The following POU6F2 variants were observed in gnomAD, a reference collection of about 807,000 sequenced individuals.
POU6F2 encodes the protein POU class 6 homeobox 2.
POU6F2 carries 31 observed loss-of-function variants against 71.3 expected under a neutral mutation model. The observed-to-expected ratio is 0.43, with a 90% confidence interval of 0.33 to 0.59. The LOEUF is 0.59. Among genes scored for constraint, POU6F2 ranks in the 20% least tolerant of loss-of-function variants. The pLI is 0.04. For missense variants in POU6F2, 783 were observed against 856.8 expected (o/e 0.91, Z 1.07); for synonymous variants, 347 against 355.7 (o/e 0.98, Z 0.27).
At chr7:39,107,973 T>A (rs1029932223) in intron 2 of POU6F2, among the ~76,000 whole-genome samples, 1 of 152,152 alleles carries the variant, frequency 6.6e-6, no homozygotes, top group Non-Finnish European at 1.5e-5. Flanking sequence ...TCCATAGAGA[T>A]CAGCCTCCCA....
chr7:39,207,541 G>A lies in POU6F2; in HGVS notation c.519G>A (p.Ala173=), dbSNP rs143731302. Residue 173 remains alanine (A), a synonymous_variant, in exon 4 of 10, where the codon GCG becomes GCA. Transcript: ENST00000518318. The part of the protein sequence containing the change: ...QQGLVLTLPT[A]NLTNIQGLVA... Reference sequence around the variant, plus strand: ...GACTGGTTCTCACACTGCCAACAGCGAATCTCACCAACATCCAAGGGCTGG... The same window carrying A: ...GACTGGTTCTCACACTGCCAACAGCAAATCTCACCAACATCCAAGGGCTGG... 5.1e-5 allele frequency: 82 copies of A among 1,614,018 alleles called. 1 individual carries two copies. The African/African-American group carries it at 6.3e-4, about 12-fold the overall frequency.
At chr7:39,199,559 C>T (rs532482127) in intron 2 of POU6F2, among the ~76,000 whole-genome samples, 4 of 151,998 alleles carry the variant, frequency 2.6e-5, no homozygotes, top group East Asian at 1.9e-4. Flanking sequence ...TTATTGGTGA[C>T]GGTTCTTCAG....
intron 1 of POU6F2, among the ~76,000 whole-genome samples, chr7:39,024,973 G>A (rs998130018): frequency 6.6e-6 from 1 of 151,874 alleles, no homozygotes; most frequent in Non-Finnish European, 1.5e-5. Flanking sequence ...TCTCTTTTTT[G>A]GTTGTGTCTC....
intron 1 of POU6F2, among the ~76,000 whole-genome samples, chr7:38,979,383 C>T (rs1191153321): frequency 1.3e-5 from 2 of 152,140 alleles, no homozygotes; most frequent in African/African-American, 4.8e-5. Flanking sequence ...AGCATGCTTG[C>T]TTCATAATGT....
In POU6F2 at chr7:39,453,203, T is replaced by C. The variant is rs1460257517; in HGVS notation, c.1489+1502T>C. ...ATACATATGCATTTTCCATCAACTG[T>C]ATTTTAGGTTGTTTAGATATACAAC... On this transcript the variant is annotated intron_variant, in intron 8 of 9. Transcript: ENST00000518318. 2.6e-5 allele frequency among the ~76,000 whole-genome samples: 4 copies of C among 152,334 alleles called. No homozygotes were observed. In the East Asian group the frequency reaches 5.8e-4, roughly 22 times the overall value.
chr7:39,446,405 G>A (rs1301384648), intron 7 of POU6F2, among the ~76,000 whole-genome samples: 1 of 152,082 alleles, frequency 6.6e-6, no homozygotes, highest in Non-Finnish European at 1.5e-5. Flanking sequence ...AACTTGCCTA[G>A]TACATTCTGC....
chr7:39,336,751 T>G (rs1000437442), intron 4 of POU6F2, among the ~76,000 whole-genome samples: 2 of 152,220 alleles, frequency 1.3e-5, no homozygotes, highest in South Asian at 2.1e-4. Flanking sequence ...TTGCCAGCCA[T>G]GCCCACATTT....
At chr7:39,393,353 C>T (rs1255707494) in intron 5 of POU6F2, among the ~76,000 whole-genome samples, 1 of 152,172 alleles carries the variant, frequency 6.6e-6, no homozygotes, top group African/African-American at 2.4e-5. Flanking sequence ...TGCTGCAGCA[C>T]CTCTGGCACG....
intron 5 of POU6F2, among the ~76,000 whole-genome samples, chr7:39,387,149 T>C (rs1400252936): frequency 6.6e-6 from 1 of 152,200 alleles, no homozygotes; most frequent in Non-Finnish European, 1.5e-5. Context: ...GGTCACCCAC[T>C]GGATGGTTCT....
chr7:39,122,753 G>A (rs1792068982), intron 2 of POU6F2, among the ~76,000 whole-genome samples: 1 of 149,550 alleles, frequency 6.7e-6, no homozygotes, highest in Non-Finnish European at 1.5e-5. Flanking sequence ...TGTGGTCCAG[G>A]CTGGAGTACA....
At chr7:39,095,976 A>G (rs1791447698) in intron 2 of POU6F2, among the ~76,000 whole-genome samples, 1 of 152,184 alleles carries the variant, frequency 6.6e-6, no homozygotes, top group Non-Finnish European at 1.5e-5. Flanking sequence ...GGAATCTGTC[A>G]GAACTGATTG....
intron 5 of POU6F2, among the ~76,000 whole-genome samples, chr7:39,379,915 T>C (rs1786793726): frequency 6.6e-6 from 1 of 152,208 alleles, no homozygotes; most frequent in African/African-American, 2.4e-5. Flanking sequence ...AGGGCATTTA[T>C]AGAACCTCAA....
At chr7:39,039,283 A>G (rs1295401182) in intron 1 of POU6F2, among the ~76,000 whole-genome samples, 2 of 151,952 alleles carry the variant, frequency 1.3e-5, no homozygotes, top group African/African-American at 4.8e-5. Context: ...AATTTCCTTC[A>G]TTCTTGGAGA....
At chr7:39,276,396 G>T (rs901562901) in intron 4 of POU6F2, among the ~76,000 whole-genome samples, 3 of 152,112 alleles carry the variant, frequency 2.0e-5, no homozygotes, top group African/African-American at 7.2e-5. Context: ...AAAAAGTCAG[G>T]AAACAACAGG....
intron 4 of POU6F2, among the ~76,000 whole-genome samples, chr7:39,228,912 G>A (rs920051123): frequency 2.6e-5 from 4 of 152,180 alleles, no homozygotes; most frequent in African/African-American, 9.7e-5. Flanking sequence ...TTCGGGCTCT[G>A]CAGAAAGTGT....
intron 2 of POU6F2, among the ~76,000 whole-genome samples, chr7:39,102,381 A>G (rs777638704): frequency 6.6e-6 from 1 of 151,674 alleles, no homozygotes; most frequent in Non-Finnish European, 1.5e-5. Flanking sequence ...AGCCATTTCC[A>G]CTGTTTGCCT....
intron 5 of POU6F2, chr7:39,405,981 G>A (rs1224333301): frequency 1.3e-5 from 2 of 152,276 alleles, no homozygotes; most frequent in Non-Finnish European, 2.9e-5. Flanking sequence ...TGTGGTTTAG[G>A]TTAAAGCCCC....
At chr7:39,343,392 C>CA (rs1257966017) in intron 5 of POU6F2, among the ~76,000 whole-genome samples, 6 of 134,936 alleles carry the variant, frequency 4.4e-5, no homozygotes, top group South Asian at 4.7e-4. Flanking sequence ...TCTTTTGGGG[C>CA]AAAAAACATG....
intron 5 of POU6F2, among the ~76,000 whole-genome samples, chr7:39,353,011 A>G (rs142807255): frequency 9.8e-5 from 15 of 152,354 alleles, no homozygotes; most frequent in African/African-American, 2.9e-4. Context: ...GGAATATAAA[A>G]ACACGTTTTC....
Sources: gnomAD v4.1 joint callset for allele counts (sites outside exome capture counted in the v4.1 genomes callset) on GRCh38, gnomAD v4.1.1 for gene constraint, MANE v1.5 for transcripts, NCBI Gene and HGNC (gene_info 2026-07-23, HGNC 2026-07-21) for gene names.